Variants in DCLK1 observed in about 807,000 individuals in gnomAD.
DCLK1 encodes the protein serine/threonine-protein kinase DCLK1.
DCLK1 carries 16 observed loss-of-function variants against 86.2 expected under a neutral mutation model. The ratio of observed to expected loss-of-function variants is 0.19; its 90% CI spans 0.13 to 0.28. DCLK1 has a LOEUF of 0.28. Among genes scored for constraint, DCLK1 ranks in the 10% least tolerant of loss-of-function variants. The pLI, the probability that DCLK1 is intolerant of heterozygous loss-of-function variation, is 1.00. For synonymous variants in DCLK1, 369 were observed against 370.5 expected, an observed-to-expected ratio of 1.00 and a Z score of 0.05; for missense variants, 590 against 940.2, an observed-to-expected ratio of 0.63 and a Z score of 4.87.
Position 35,822,792 on chromosome 13 carries a change from G to T in DCLK1, c.1491C>A (p.Ser497Arg). Reference protein sequence around the residue: ...DASGMLYNLASAIKYLHSLNI... With the variant: ...DASGMLYNLARAIKYLHSLNI... ...TCAGGCTATGCAGGTATTTGATGGC[G>T]CTGGCTAGGTTGTACAGCATCCCAC... Residue 497 changes from serine to arginine, a missense_variant, in exon 11 of 17, where the codon AGC becomes AGA. By Grantham distance (110) the Ser-to-Arg change is moderately radical. Around this residue, in one of 6 missense-constraint regions of DCLK1, gnomAD observed 108 missense variants for 195.7 expected, o/e 0.55. Transcript: ENST00000360631. 1 of 1,613,882 alleles carries T rather than the reference G, an allele frequency of 6.2e-7. No individual in the cohort carries two copies. The highest frequency in any genetic ancestry group is 8.5e-7 in the Non-Finnish European group (1 of 1,179,986).
intron 3 of DCLK1, among the ~76,000 whole-genome samples, chr13:36,061,539 T>C (rs1883548206): frequency 6.6e-6 from 1 of 152,222 alleles, no homozygotes; most frequent in African/African-American, 2.4e-5. Flanking sequence ...TCTTTTGTTT[T>C]AGTTACTTTC....
chr13:35,829,857 C>T (rs1030596929), intron 8 of DCLK1, among the ~76,000 whole-genome samples: 3 of 152,160 alleles, frequency 2.0e-5, no homozygotes, highest in Non-Finnish European at 2.9e-5. Flanking sequence ...AGCTGTCACT[C>T]AGGAAGGGAA....
chr13:35,894,369 T>A (rs935732141), intron 4 of DCLK1, among the ~76,000 whole-genome samples: 1 of 152,194 alleles, frequency 6.6e-6, no homozygotes, highest in Non-Finnish European at 1.5e-5. Flanking sequence ...TTGAACTTGG[T>A]GCAGTCTGAC....
At chr13:35,829,860 G>A (rs1428723034) in intron 8 of DCLK1, among the ~76,000 whole-genome samples, 2 of 152,278 alleles carry the variant, frequency 1.3e-5, no homozygotes, top group Admixed American at 1.3e-4. Flanking sequence ...TGTCACTCAG[G>A]AAGGGAATGC....
intron 13 of DCLK1, 66 bp downstream of exon 13, chr13:35,808,952 C>T (rs2087088821): frequency 7.0e-7 from 1 of 1,423,420 alleles, no homozygotes; most frequent in Non-Finnish European, 9.8e-7. Flanking sequence ...GCAAGAAGGG[C>T]TAATGGATCA....
intron 3 of DCLK1, among the ~76,000 whole-genome samples, chr13:35,975,734 T>C (rs572731222): frequency 6.6e-6 from 1 of 152,330 alleles, no homozygotes; most frequent in Non-Finnish European, 1.5e-5. Flanking sequence ...TTCATGGCTC[T>C]GCCCTAACTC....
At chr13:35,818,533 G>A (rs1348560161) in intron 11 of DCLK1, among the ~76,000 whole-genome samples, 2 of 152,144 alleles carry the variant, frequency 1.3e-5, no homozygotes, top group African/African-American at 2.4e-5. Flanking sequence ...GGGGACTTTG[G>A]GAGGGAAAAG....
chr13:36,028,463 T>A (rs79901930), intron 3 of DCLK1, among the ~76,000 whole-genome samples: 1 of 152,174 alleles, frequency 6.6e-6, no homozygotes, highest in African/African-American at 2.4e-5. Flanking sequence ...CATATGAGAC[T>A]CCTGGTCACC....
intron 3 of DCLK1, among the ~76,000 whole-genome samples, chr13:36,089,367 G>A (rs1478587394): frequency 6.6e-6 from 1 of 152,190 alleles, no homozygotes; most frequent in African/African-American, 2.4e-5. Context: ...CAGAAGCACA[G>A]GCTTTCCTCA....
At chr13:35,913,446 A>G (rs772622331) in intron 4 of DCLK1, among the ~76,000 whole-genome samples, 2 of 152,230 alleles carry the variant, frequency 1.3e-5, no homozygotes, top group African/African-American at 4.8e-5. Context: ...CTCAAATGCA[A>G]TTCTTTAACA....
chr13:35,860,322 G>A (rs1871309104), intron 5 of DCLK1, among the ~76,000 whole-genome samples: 1 of 151,784 alleles, frequency 6.6e-6, no homozygotes, highest in Non-Finnish European at 1.5e-5. Flanking sequence ...CAGGGGGTGG[G>A]GGGTGCATAG....
intron 3 of DCLK1, among the ~76,000 whole-genome samples, chr13:36,107,368 G>A (rs1463132701): frequency 7.4e-6 from 1 of 134,626 alleles, no homozygotes. Flanking sequence ...TTTTGAGACG[G>A]GGTCTCACTC....
At chr13:35,985,024 G>A (rs560928868) in intron 3 of DCLK1, among the ~76,000 whole-genome samples, 196 of 152,240 alleles carry the variant, frequency 1.3e-3, no homozygotes, top group African/African-American at 4.5e-3. Context: ...GTTTGCAGTC[G>A]CTACAGACAG....
chr13:35,955,878 A>T (rs1877951255), intron 3 of DCLK1, among the ~76,000 whole-genome samples: 1 of 152,196 alleles, frequency 6.6e-6, no homozygotes, highest in South Asian at 2.1e-4. Flanking sequence ...CTGAGTGACC[A>T]TCTGTCTGAG....
chr13:35,770,931 T>G lies in DCLK1; in HGVS notation c.*3604A>C, dbSNP rs1593571718. The G allele has an allele frequency of 6.6e-6, 1 of 152,304 alleles. No individual in the cohort carries two copies. Among genetic ancestry groups the G allele is most frequent in the Middle Eastern group, 3.4e-3 (1 of 294 alleles). The allele number at this position is 152,304 out of a possible 1,614,324, so 9.4% of individuals were successfully genotyped here. ...GCAAACTTCAGCCTGGGGCACATTT[T>G]TATGGTCAAATTAAAAACCTTTGAG... On this transcript the variant is annotated 3_prime_UTR_variant, in exon 17 of 17. Transcript: ENST00000360631.
intron 5 of DCLK1, among the ~76,000 whole-genome samples, chr13:35,856,445 C>T (rs890870139): frequency 2.0e-5 from 3 of 152,154 alleles, no homozygotes; most frequent in Non-Finnish European, 4.4e-5. Context: ...TTTACCCACC[C>T]GCATTCTACT....
rs1052080285 is a variant in DCLK1, at chr13:35,934,183, A to T, written c.823+13175T>A. Among the ~76,000 whole-genome samples, 3 of 152,246 alleles carry T rather than the reference A, an allele frequency of 2.0e-5. No individual in the cohort carries two copies. In the South Asian group the frequency reaches 6.2e-4, roughly 32 times the overall value. ...CTGAGACCACCTCAGCCTGGACGTT[A>T]TTGTCCATATCGCTATCACCAAACT... On this transcript the variant is annotated intron_variant, in intron 4 of 16. Coordinates refer to ENST00000360631, the MANE Select transcript of DCLK1 (RefSeq NM_001330071.2).
At chr13:35,957,486 T>C (rs9565705) in intron 3 of DCLK1, among the ~76,000 whole-genome samples, 139,976 of 152,174 alleles carry the variant, frequency 0.92, 64,480 homozygotes, top group East Asian at 0.98. Flanking sequence ...TGACACATGA[T>C]GTTACATCAA....
At chr13:36,122,231 G>C (rs1310164982) in intron 2 of DCLK1, among the ~76,000 whole-genome samples, 7 of 152,018 alleles carry the variant, frequency 4.6e-5, no homozygotes, top group Admixed American at 3.9e-4. Context: ...GGGGGATTAT[G>C]ATAGAAACTT....
Sources: allele counts gnomAD v4.1 joint callset (sites outside exome capture counted in the v4.1 genomes callset), GRCh38; gene constraint gnomAD v4.1.1; regional missense constraint gnomAD v4.1.1; transcripts MANE v1.5; gene names NCBI Gene and HGNC (gene_info 2026-07-23, HGNC 2026-07-21).